The following PFDN2 variants were observed in gnomAD, a reference collection of about 807,000 sequenced individuals.
PFDN2 encodes the protein prefoldin subunit 2, also known as prefoldin 2.
Under a neutral mutation model 18.3 loss-of-function variants are expected in PFDN2, and 7 were observed. The observed-to-expected ratio is 0.38, with a 90% confidence interval of 0.22 to 0.72. The LOEUF (loss-of-function observed/expected upper bound fraction) is 0.72, where lower values mean the gene tolerates loss of function less well. Ranked by LOEUF, PFDN2 falls within the 30% of genes least tolerant of loss-of-function variation. The pLI is 0.47. For missense variants in PFDN2, 181 were observed against 199.1 expected (o/e 0.91, Z 0.55); for synonymous variants, 76 against 75.0 (o/e 1.01, Z -0.07).
chr1:161,116,404 C>T (rs1184978309), intron 1 of PFDN2, among the ~76,000 whole-genome samples: 2 of 152,120 alleles, frequency 1.3e-5, no homozygotes, highest in African/African-American at 2.4e-5. Context: ...ATCCCAGCTA[C>T]TCGGGAGGCT....
chr1:161,109,639 GT>G (rs1654757143), intron 1 of PFDN2, among the ~76,000 whole-genome samples: 1 of 152,202 alleles, frequency 6.6e-6, no homozygotes. Flanking sequence ...GGTAAGACCT[GT>G]ACCTTCAATT....
chr1:161,100,707 G>C lies in PFDN2; in HGVS notation c.441C>G (p.Ser147Arg), dbSNP rs766622689. 1 of 1,613,648 alleles carries C rather than the reference G, an allele frequency of 6.2e-7. No individual in the cohort carries two copies. The highest frequency in any genetic ancestry group is 8.5e-7 in the Non-Finnish European group (1 of 1,179,768). The change falls in exon 4 of 4, where the codon AGC (serine) becomes AGG (arginine). Residue 147 changes from serine (S) to arginine (R), a missense_variant. Ser to Arg is a moderately radical substitution (Grantham distance 110). Transcript: ENST00000368010. ...ENSEGAGAKASSAGVLVS is the reference protein window; with the variant it reads ...ENSEGAGAKARSAGVLVS ...CCTAGGAGACCAACACTCCAGCTGA[G>C]CTGGCCTTAGCCCCAGCCCCTTCTG...
chr1:161,115,732 A>G (rs545590277), intron 1 of PFDN2, among the ~76,000 whole-genome samples: 1 of 152,336 alleles, frequency 6.6e-6, no homozygotes, highest in East Asian at 1.9e-4. Context: ...ACATTGTCAT[A>G]ACTGTTCTAT....
intron 1 of PFDN2, among the ~76,000 whole-genome samples, chr1:161,108,962 T>C (rs1654744671): frequency 6.6e-6 from 1 of 152,162 alleles, no homozygotes; most frequent in Admixed American, 6.6e-5. Context: ...ATTTGCCCCC[T>C]TTAATCTACT....
chr1:161,103,683 CAAAAAAAAAAA>C lies in PFDN2; in HGVS notation c.76-1319_76-1309del, dbSNP rs553472563. ...CTGGCAACAGAGCAAGACTCCGTCT[CAAAAAAAAAAA>C]AAAAAAAAAAAAAAAAAAAAGAAAG... On this transcript the variant is annotated intron_variant, in intron 1 of 3. Transcript: ENST00000368010. Among the ~76,000 whole-genome samples the C allele has an allele frequency of 9.5e-4, 71 of 74,912 alleles. 2 individuals carry two copies. Among genetic ancestry groups the C allele is most frequent in the Middle Eastern group, 0.01 (1 of 98 alleles). The allele number at this position is 74,912 out of a possible 152,430, so 49.1% of individuals were successfully genotyped here.
chr1:161,117,890 C>T, intron 1 of PFDN2, 62 bp downstream of exon 1: 1 of 1,394,750 alleles, frequency 7.2e-7, no homozygotes, highest in Non-Finnish European at 9.9e-7. Context: ...CCACAGGCTC[C>T]CCCTTCTCGC....
In PFDN2 at chr1:161,102,326, G is replaced by C. The variant is rs772160399; in HGVS notation, c.125C>G (p.Ser42Cys). The C allele has an allele frequency of 6.2e-7, 1 of 1,614,186 alleles. No homozygotes were observed. Among genetic ancestry groups the C allele is most frequent in the East Asian group, 2.2e-5 (1 of 44,876 alleles). ...CTCCATCTCCAACTCAGCTGCTTTGGATGCCAGGCCTCGCTGTTCCTGCCG... is the reference window on the plus strand; with the variant it reads ...CTCCATCTCCAACTCAGCTGCTTTGCATGCCAGGCCTCGCTGTTCCTGCCG... ...RLRQEQRGLA[S>C]KAAELEMELN... Residue 42 changes from serine (S) to cysteine (C), a missense_variant, in exon 2 of 4, where the codon TCC becomes TGC. Coordinates refer to ENST00000368010, the MANE Select transcript of PFDN2 (RefSeq NM_012394.4).
At position 161,103,458 on chromosome 1, in the gene PFDN2, G is replaced by A. The variant is rs186080890; in HGVS notation, c.76-1083C>T. 3.2e-3 allele frequency among the ~76,000 whole-genome samples: 478 copies of A among 151,602 alleles called. 5 individuals are homozygous for A. The highest frequency in any genetic ancestry group is 0.02 in the South Asian group (94 of 4,788). ...TAATCGCAGCACTTTGGGAGGCCGA[G>A]GTGGGCAGATCACCAGGTCAGGAGA... is the stretch of plus-strand genomic sequence containing the variant. On this transcript the variant is annotated intron_variant, in intron 1 of 3. Transcript: ENST00000368010.
At position 161,102,390 on chromosome 1, in the gene PFDN2, G is replaced by T. The variant is rs370773958; in HGVS notation, c.76-15C>A. ...CCAGCAATCACCTAACAAGGTGAGA[G>T]AAGAGATGAAAGAGGGGATAGTGGA... On this transcript the variant is annotated splice_polypyrimidine_tract_variant and intron_variant, in intron 1 of 3. Coordinates refer to ENST00000368010, the MANE Select transcript of PFDN2 (RefSeq NM_012394.4). 27 of 1,604,908 alleles carry T rather than the reference G, an allele frequency of 1.7e-5. No homozygotes were observed. The African/African-American group carries it at 3.3e-4, about 20-fold the overall frequency.
chr1:161,115,459 C>T (rs917585776), intron 1 of PFDN2, among the ~76,000 whole-genome samples: 5 of 152,228 alleles, frequency 3.3e-5, no homozygotes. Flanking sequence ...TTTGCCCAGC[C>T]TATCCATGCT....
chr1:161,101,996 G>A (rs1400335419), intron 3 of PFDN2, 52 bp downstream of exon 3: 2 of 1,605,580 alleles, frequency 1.2e-6, no homozygotes, highest in East Asian at 4.5e-5. Context: ...GCCTCCCAAA[G>A]TGCTGGGTTT....
rs550687150 is a variant in PFDN2, at chr1:161,111,774, A to T, written c.75+6178T>A. 3.9e-5 allele frequency among the ~76,000 whole-genome samples: 6 copies of T among 152,332 alleles called. No homozygotes were observed. In the South Asian group the frequency reaches 1.2e-3, roughly 32 times the overall value. On this transcript the variant is annotated intron_variant, in intron 1 of 3. Transcript: ENST00000368010. ...CACTCCCACAATGGCCACAGGATCT[A>T]AGATTCTATTCATAGCACTTCTTCA...
rs1654601236 is a variant in PFDN2 at position 161,102,928 on chromosome 1, A to T, written c.76-553T>A. ...AGCCAAGATCGCACCACTGCACTCC[A>T]GCCTGGCGACAGAGCGAAACTCCGT... On this transcript the variant is annotated intron_variant, in intron 1 of 3. Transcript: ENST00000368010. Among the ~76,000 whole-genome samples, 3 of 151,386 alleles carry T rather than the reference A, an allele frequency of 2.0e-5. No individual in the cohort carries two copies. In the East Asian group the frequency reaches 5.8e-4, roughly 29 times the overall value.
At chr1:161,107,663 A>T (rs1367532208) in intron 1 of PFDN2, among the ~76,000 whole-genome samples, 2 of 149,502 alleles carry the variant, frequency 1.3e-5, no homozygotes, top group South Asian at 2.1e-4. Flanking sequence ...AAAAATACAA[A>T]AATTAGCCGG....
chr1:161,106,983 A>AT (rs1298202181), intron 1 of PFDN2, among the ~76,000 whole-genome samples: 2 of 149,378 alleles, frequency 1.3e-5, no homozygotes, highest in Non-Finnish European at 1.5e-5. Flanking sequence ...TAATTTCTGT[A>AT]TTTTTTTGCA....
intron 1 of PFDN2, among the ~76,000 whole-genome samples, chr1:161,106,148 T>G (rs1261188488): frequency 2.0e-5 from 3 of 152,156 alleles, no homozygotes; most frequent in Admixed American, 1.3e-4. Context: ...CTACCCCTCT[T>G]TATTCCTCCT....
chr1:161,101,005 T>C (rs1443198352), intron 3 of PFDN2, 146 bp from the exon 4 acceptor site: 7 of 587,686 alleles, frequency 1.2e-5, no homozygotes, highest in Admixed American at 3.0e-5. Context: ...TATTCCTTTC[T>C]TGAACACAGT....
intron 1 of PFDN2, among the ~76,000 whole-genome samples, chr1:161,109,488 A>G (rs1156238356): frequency 6.6e-6 from 1 of 152,194 alleles, no homozygotes; most frequent in Non-Finnish European, 1.5e-5. Context: ...AAATATGCAA[A>G]TGCAACCTAT....
intron 1 of PFDN2, among the ~76,000 whole-genome samples, chr1:161,111,966 C>T (rs1409649259): frequency 4.6e-5 from 7 of 152,148 alleles, no homozygotes; most frequent in East Asian, 1.9e-4. Context: ...ATTCTACTTG[C>T]CTGCAAAACC....
Sources: allele counts gnomAD v4.1 joint callset (sites outside exome capture counted in the v4.1 genomes callset), GRCh38; gene constraint gnomAD v4.1.1; transcripts MANE v1.5; gene names NCBI Gene and HGNC (gene_info 2026-07-23, HGNC 2026-07-21).